Variants in HIPK3 observed in about 807,000 individuals in gnomAD.
HIPK3 encodes the protein homeodomain interacting protein kinase 3.
Under a neutral mutation model 124.2 loss-of-function variants are expected in HIPK3, and 47 were observed. That is an observed-to-expected ratio of 0.38 (90% CI 0.30 to 0.48). The LOEUF (loss-of-function observed/expected upper bound fraction) is 0.48. HIPK3 is among the 20% of genes least tolerant of loss of function. The probability of loss-of-function intolerance (pLI) is 0.98; values close to 1 mark genes in which losing one functional copy is unlikely to be tolerated. For synonymous variants in HIPK3, 482 were observed against 515.2 expected, an observed-to-expected ratio of 0.94 and a Z score of 0.87; for missense variants, 1,286 against 1,454.3, an observed-to-expected ratio of 0.88 and a Z score of 1.88.
intron 2 of HIPK3, among the ~76,000 whole-genome samples, chr11:33,290,436 A>G (rs1851668424): frequency 2.0e-5 from 3 of 151,502 alleles, no homozygotes; most frequent in African/African-American, 7.3e-5. Flanking sequence ...TTCCCTTGGT[A>G]CTCTATGGAT....
intron 2 of HIPK3, among the ~76,000 whole-genome samples, chr11:33,316,374 A>C (rs996274165): frequency 6.6e-6 from 1 of 152,234 alleles, no homozygotes; most frequent in Non-Finnish European, 1.5e-5. Flanking sequence ...ATGATTTGGA[A>C]GGAGTCTTGC....
At chr11:33,291,769 CG>C (rs760722050) in intron 2 of HIPK3, among the ~76,000 whole-genome samples, 1 of 151,794 alleles carries the variant, frequency 6.6e-6, no homozygotes, top group Non-Finnish European at 1.5e-5. Flanking sequence ...TTTTAGCCTG[CG>C]ATTCTAAGTC....
intron 1 of HIPK3, among the ~76,000 whole-genome samples, chr11:33,261,500 A>G (rs1452365922): frequency 6.6e-6 from 1 of 152,154 alleles, no homozygotes; most frequent in African/African-American, 2.4e-5. Flanking sequence ...TTTATTAAGG[A>G]TGATGGCCTC....
chr11:33,325,307 A>G (rs1306567118), intron 2 of HIPK3, among the ~76,000 whole-genome samples: 1 of 152,226 alleles, frequency 6.6e-6, no homozygotes, highest in Non-Finnish European at 1.5e-5. Context: ...TTTATTGCCA[A>G]ATGCGATACT....
chr11:33,328,401 C>A, intron 2 of HIPK3, 109 bp from the exon 3 acceptor site: 2 of 1,038,350 alleles, frequency 1.9e-6, no homozygotes, highest in Non-Finnish European at 2.9e-6. Context: ...AGTTCCTATA[C>A]ATAGAATGTG....
At chr11:33,335,895 C>G (rs554502623) in intron 3 of HIPK3, 1 of 152,060 alleles carries the variant, frequency 6.6e-6, no homozygotes, top group African/African-American at 2.4e-5. Flanking sequence ...CTGTTTATCC[C>G]CCGTGTTTCC....
At chr11:33,325,749 G>A (rs1235586310) in intron 2 of HIPK3, among the ~76,000 whole-genome samples, 1 of 152,162 alleles carries the variant, frequency 6.6e-6, no homozygotes, top group Non-Finnish European at 1.5e-5. Context: ...TGAACAAAAA[G>A]GGATAAGGTC....
chr11:33,319,859 C>G (rs903952575), intron 2 of HIPK3, among the ~76,000 whole-genome samples: 1 of 152,184 alleles, frequency 6.6e-6, no homozygotes, highest in Non-Finnish European at 1.5e-5. Flanking sequence ...CAGTTAATGA[C>G]AAGTGCTATA....
At chr11:33,318,571 C>G (rs1852573328) in intron 2 of HIPK3, among the ~76,000 whole-genome samples, 1 of 152,130 alleles carries the variant, frequency 6.6e-6, no homozygotes, top group Non-Finnish European at 1.5e-5. Context: ...TAGAACATTG[C>G]TTGGTTCATA....
chr11:33,307,543 C>T (rs1321936284), intron 2 of HIPK3, among the ~76,000 whole-genome samples: 4 of 151,282 alleles, frequency 2.6e-5, no homozygotes, highest in African/African-American at 7.3e-5. Flanking sequence ...GGACTACAGG[C>T]GCCTGCCACC....
At chr11:33,310,608 C>T (rs1852307218) in intron 2 of HIPK3, among the ~76,000 whole-genome samples, 1 of 152,084 alleles carries the variant, frequency 6.6e-6, no homozygotes, top group Admixed American at 6.6e-5. Context: ...CGTGCCCAGC[C>T]TATTTAAGTT....
intron 2 of HIPK3, among the ~76,000 whole-genome samples, chr11:33,303,505 T>C (rs1205845822): frequency 6.6e-6 from 1 of 152,212 alleles, no homozygotes; most frequent in Non-Finnish European, 1.5e-5. Context: ...TGTCAAAGGT[T>C]ATTAGTTTTT....
intron 2 of HIPK3, among the ~76,000 whole-genome samples, chr11:33,308,540 C>T (rs905788112): frequency 1.4e-4 from 21 of 151,828 alleles, no homozygotes; most frequent in African/African-American, 5.1e-4. Flanking sequence ...ATGTCCTTTT[C>T]CCCCCTCTGG....
chr11:33,344,587 C>G (rs1853438775), intron 8 of HIPK3, among the ~76,000 whole-genome samples: 1 of 152,092 alleles, frequency 6.6e-6, no homozygotes, highest in Non-Finnish European at 1.5e-5. Context: ...AAAGTAACAA[C>G]TATATCAGTG....
intron 2 of HIPK3, among the ~76,000 whole-genome samples, chr11:33,299,237 G>A (rs946918462): frequency 1.3e-5 from 2 of 151,774 alleles, no homozygotes; most frequent in South Asian, 2.1e-4. Context: ...ACTTTGGGAG[G>A]TCGAGGCAGG....
chr11:33,266,233 A>G (rs1439797251), intron 1 of HIPK3, among the ~76,000 whole-genome samples: 2 of 151,908 alleles, frequency 1.3e-5, no homozygotes, highest in East Asian at 3.8e-4. Context: ...ATATTTGTAT[A>G]TGTGCACCTA....
intron 2 of HIPK3, among the ~76,000 whole-genome samples, chr11:33,290,616 T>C (rs1324811819): frequency 1.4e-5 from 2 of 142,650 alleles, no homozygotes; most frequent in South Asian, 2.3e-4. Context: ...GAAATCTTTT[T>C]CCACTAGAGT....
At chr11:33,278,384 G>A (rs1408331377) in intron 1 of HIPK3, among the ~76,000 whole-genome samples, 1 of 152,084 alleles carries the variant, frequency 6.6e-6, no homozygotes, top group Middle Eastern at 3.2e-3. Flanking sequence ...GAATGTGAAG[G>A]GCTGTGTTTA....
chr11:33,274,457 T>C (rs1851218847), intron 1 of HIPK3, among the ~76,000 whole-genome samples: 1 of 152,178 alleles, frequency 6.6e-6, no homozygotes, highest in Admixed American at 6.5e-5. Flanking sequence ...TAAAAAACTG[T>C]TTACTCTTTC....
Sources: allele counts gnomAD v4.1 joint callset (sites outside exome capture counted in the v4.1 genomes callset), GRCh38; gene constraint gnomAD v4.1.1; transcripts MANE v1.5; gene names NCBI Gene and HGNC (gene_info 2026-07-23, HGNC 2026-07-21).